Variants in RLN2 observed in about 807,000 individuals in gnomAD.
RLN2 encodes the protein prorelaxin H2.
RLN2 carries 10 observed loss-of-function variants against 7.3 expected under a neutral mutation model. The ratio of observed to expected loss-of-function variants is 1.36; its 90% CI spans 0.84 to 2.31. The LOEUF is 2.31. RLN2 is among the 30% of genes most tolerant of loss of function. The probability of loss-of-function intolerance (pLI) is 0.00; values close to 1 mark genes in which losing one functional copy is unlikely to be tolerated. For missense variants in RLN2, 298 were observed against 217.6 expected (o/e 1.37, Z -2.32); for synonymous variants, 103 against 82.3 (o/e 1.25, Z -1.36).
At chr9:5,318,007 C>CGTGCGTGTGTGT in the RLN2 span, among the ~76,000 whole-genome samples, 1 of 147,948 alleles carries the variant, frequency 6.8e-6, no homozygotes, top group Admixed American at 6.7e-5. Context: ...TGTGTGTGTG[C>CGTGCGTGTGTGT]GTGTGTGTGT....
the RLN2 span, among the ~76,000 whole-genome samples, chr9:5,320,334 G>C: frequency 6.6e-6 from 1 of 151,622 alleles, no homozygotes. Flanking sequence ...AATCTCTCCA[G>C]TGAATTTTGG....
chr9:5,330,025 G>C, the RLN2 span, among the ~76,000 whole-genome samples: 1 of 151,906 alleles, frequency 6.6e-6, no homozygotes, highest in Non-Finnish European at 1.5e-5. Context: ...ACACTCCTCA[G>C]CAAATGCAAA....
In RLN2 at chr9:5,304,336, C is replaced by T. The variant is rs767845659; in HGVS notation, c.211+34G>A. ...CCGCCCCAGAGTAACCAATGGGAAG[C>T]GCGGGAAGGCCGGGAGGGGGCGGGA... On this transcript the variant is annotated intron_variant, in intron 1 of 1. Coordinates refer to ENST00000381627, the MANE Select transcript of RLN2 (RefSeq NM_134441.3). 1.6e-5 allele frequency: 24 copies of T among 1,472,466 alleles called. No individual in the cohort carries two copies. The African/African-American group carries it at 2.5e-4, about 15-fold the overall frequency. 91.2% of individuals were successfully genotyped at this position (1,472,466 alleles called of 1,614,324 possible).
the RLN2 span, among the ~76,000 whole-genome samples, chr9:5,331,296 A>G: frequency 2.0e-5 from 3 of 152,032 alleles, no homozygotes; most frequent in Non-Finnish European, 2.9e-5. Flanking sequence ...ATAAAAAAAG[A>G]GATTTTAGGC....
intron 1 of RLN2, among the ~76,000 whole-genome samples, chr9:5,302,005 C>G (rs1368505674): frequency 1.3e-5 from 2 of 152,110 alleles, no homozygotes; most frequent in Admixed American, 6.5e-5. Flanking sequence ...TCATAAAAAC[C>G]TCTCTTTGAT....
the RLN2 span, among the ~76,000 whole-genome samples, chr9:5,313,930 A>G: frequency 6.6e-6 from 1 of 151,996 alleles, no homozygotes; most frequent in Admixed American, 6.6e-5. Flanking sequence ...CCACCACCCT[A>G]TCCCTACATC....
the RLN2 span, among the ~76,000 whole-genome samples, chr9:5,330,264 G>C: frequency 6.6e-6 from 1 of 152,044 alleles, no homozygotes. Context: ...AAAGCAGTGT[G>C]TAGAAGAAAA....
At chr9:5,331,158 C>CT in the RLN2 span, among the ~76,000 whole-genome samples, 1 of 151,986 alleles carries the variant, frequency 6.6e-6, no homozygotes, top group Non-Finnish European at 1.5e-5. Flanking sequence ...CAGCCAAATT[C>CT]TACCAGAGGT....
chr9:5,338,136 G>A, the RLN2 span, among the ~76,000 whole-genome samples: 10 of 128,368 alleles, frequency 7.8e-5, no homozygotes, highest in Admixed American at 7.4e-4. Flanking sequence ...TAATATCTAC[G>A]AGTGCTTCTC....
chr9:5,335,438 A>C, the RLN2 span: 1 of 1,613,782 alleles, frequency 6.2e-7, no homozygotes, highest in Non-Finnish European at 8.5e-7. Flanking sequence ...TTCAAAGCTA[A>C]GATTGGAATC....
At chr9:5,316,453 C>A in the RLN2 span, among the ~76,000 whole-genome samples, 2 of 151,922 alleles carry the variant, frequency 1.3e-5, no homozygotes, top group Non-Finnish European at 2.9e-5. Flanking sequence ...CCCCTCACCC[C>A]CTGAAAGGCC....
chr9:5,311,688 A>C, the RLN2 span: 5 of 1,269,832 alleles, frequency 3.9e-6, no homozygotes, highest in East Asian at 1.2e-4. Context: ...CAGGCACAGA[A>C]AGCCGAAGGT....
chr9:5,304,246 G>A (rs1427026959), intron 1 of RLN2, 124 bp downstream of exon 1: 5 of 645,410 alleles, frequency 7.7e-6, no homozygotes, highest in Non-Finnish European at 1.3e-5. Context: ...GCTGAGTAGG[G>A]GCTGAGCGGT....
the RLN2 span, among the ~76,000 whole-genome samples, chr9:5,312,447 T>C: frequency 6.6e-6 from 1 of 152,080 alleles, no homozygotes; most frequent in African/African-American, 2.4e-5. Context: ...CCATTTTCTT[T>C]TCACTTCCAG....
chr9:5,332,974 T>C, the RLN2 span, among the ~76,000 whole-genome samples: 1 of 151,958 alleles, frequency 6.6e-6, no homozygotes. Flanking sequence ...ACAGTAAGGA[T>C]AAAGGCAATG....
chr9:5,335,297 C>A, the RLN2 span: 1 of 1,602,382 alleles, frequency 6.2e-7, no homozygotes, highest in Non-Finnish European at 8.5e-7. Flanking sequence ...AATTAGGCAA[C>A]ATTTCTCAAA....
chr9:5,315,210 A>C, the RLN2 span, among the ~76,000 whole-genome samples: 1 of 152,056 alleles, frequency 6.6e-6, no homozygotes, highest in East Asian at 1.9e-4. Context: ...ATACAGATAG[A>C]CAATTCAGCA....
At chr9:5,310,898 TTAAGAA>T in the RLN2 span, among the ~76,000 whole-genome samples, 6 of 152,228 alleles carry the variant, frequency 3.9e-5, no homozygotes, top group African/African-American at 1.4e-4. Context: ...GTTTTATCAA[TTAAGAA>T]TAAGAAAAAT....
At chr9:5,310,717 C>T in the RLN2 span, among the ~76,000 whole-genome samples, 1 of 152,020 alleles carries the variant, frequency 6.6e-6, no homozygotes, top group African/African-American at 2.4e-5. Flanking sequence ...CACTAACTTA[C>T]TTCACTGGAG....
Sources: gnomAD v4.1 joint callset for allele counts (sites outside exome capture counted in the v4.1 genomes callset) on GRCh38, gnomAD v4.1.1 for gene constraint, MANE v1.5 for transcripts, NCBI Gene and HGNC (gene_info 2026-07-23, HGNC 2026-07-21) for gene names.